Variants in NR2F1-AS1 observed in about 807,000 individuals in gnomAD.
NR2F1-AS1 encodes the protein NR2F1 regulatory antisense RNA 1, also known as NR2F1 antisense RNA 1.
At chr5:93,421,343 C>G (rs1749083376) in intron 4 of NR2F1-AS1, among the ~76,000 whole-genome samples, 6 of 150,178 alleles carry the variant, frequency 4.0e-5, no homozygotes, top group Admixed American at 4.0e-4. Flanking sequence ...AAGGCTTCTT[C>G]TGGTAAACAG....
chr5:93,410,907 T>C (rs1322011288), intron 4 of NR2F1-AS1: 1 of 152,040 alleles, frequency 6.6e-6, no homozygotes, highest in Non-Finnish European at 1.5e-5. Flanking sequence ...AAATGGATCC[T>C]ATCAGAAGCC....
intron 4 of NR2F1-AS1, among the ~76,000 whole-genome samples, chr5:93,437,023 G>A (rs1749447042): frequency 6.6e-6 from 1 of 150,514 alleles, no homozygotes; most frequent in Non-Finnish European, 1.5e-5. Context: ...TAAATTCACT[G>A]ACCATTTGTT....
At chr5:93,585,286 T>A, upstream of NR2F1-AS1, 1 of 1,604,868 alleles carries the variant, frequency 6.2e-7, no homozygotes, top group East Asian at 2.3e-5. Flanking sequence ...GAGTGCGTGG[T>A]GTGCGGGGAC....
intron 4 of NR2F1-AS1, among the ~76,000 whole-genome samples, chr5:93,547,651 T>A (rs1752120221): frequency 6.6e-6 from 1 of 152,176 alleles, no homozygotes; most frequent in Non-Finnish European, 1.5e-5. Flanking sequence ...AGTTCCAACT[T>A]TTAGCATATG....
At chr5:93,495,229 G>C (rs1051092045) in intron 4 of NR2F1-AS1, among the ~76,000 whole-genome samples, 1 of 151,870 alleles carries the variant, frequency 6.6e-6, no homozygotes, top group Non-Finnish European at 1.5e-5. Context: ...GTTCTTTTCC[G>C]TACTTTATTC....
intron 2 of NR2F1-AS1, among the ~76,000 whole-genome samples, chr5:93,562,863 A>T (rs1404522641): frequency 6.6e-6 from 1 of 152,260 alleles, no homozygotes; most frequent in African/African-American, 2.4e-5. Context: ...CTTCGAGAAC[A>T]ATAAGCACAA....
intron 4 of NR2F1-AS1, among the ~76,000 whole-genome samples, chr5:93,524,964 AC>A (rs1045192494): frequency 2.6e-5 from 4 of 152,194 alleles, no homozygotes; most frequent in African/African-American, 9.7e-5. Flanking sequence ...AGGCAAAATA[AC>A]CAGCTAGCAT....
At chr5:93,528,657 C>T (rs144191596) in intron 4 of NR2F1-AS1, among the ~76,000 whole-genome samples, 7,397 of 152,306 alleles carry the variant, frequency 0.049, 259 homozygotes, top group Middle Eastern at 0.085. Context: ...CCCAAATGCT[C>T]ATCAACGATA....
chr5:93,423,516 A>C (rs918409253), intron 4 of NR2F1-AS1, among the ~76,000 whole-genome samples: 2 of 152,212 alleles, frequency 1.3e-5, no homozygotes. Flanking sequence ...TCCTGAATAC[A>C]GACTCAAACA....
At chr5:93,485,812 A>T (rs559299262) in intron 4 of NR2F1-AS1, among the ~76,000 whole-genome samples, 1,967 of 150,158 alleles carry the variant, frequency 0.013, 41 homozygotes, top group African/African-American at 0.046. Flanking sequence ...ACACATGCAC[A>T]CGTATGTTTA....
chr5:93,512,230 G>A (rs77659142), intron 4 of NR2F1-AS1, among the ~76,000 whole-genome samples: 16 of 152,144 alleles, frequency 1.1e-4, no homozygotes, highest in Non-Finnish European at 1.5e-4. Flanking sequence ...GTAGGACTAG[G>A]CTAATGTGTA....
At chr5:93,413,063 G>GGTGTGTGTGT (rs71613591) in intron 4 of NR2F1-AS1, among the ~76,000 whole-genome samples, 17 of 139,278 alleles carry the variant, frequency 1.2e-4, no homozygotes, top group South Asian at 4.9e-4. Context: ...ATAGCACTAT[G>GGTGTGTGTGT]GTGTGTGTGT....
At chr5:93,504,422 A>C (rs1751144582) in intron 4 of NR2F1-AS1, among the ~76,000 whole-genome samples, 1 of 152,206 alleles carries the variant, frequency 6.6e-6, no homozygotes, top group African/African-American at 2.4e-5. Context: ...GTATCACCAA[A>C]TCTTAAAGAA....
In NR2F1-AS1 at chr5:93,417,023, A is replaced by C. The variant is rs1748982166; in HGVS notation, n.639-21481T>G. Among the ~76,000 whole-genome samples the C allele has an allele frequency of 2.0e-5, 3 of 152,310 alleles. No homozygotes were observed. The South Asian group carries it at 6.2e-4, about 32-fold the overall frequency. ...TATCTCCATTTTACAGATGGGGGAA[A>C]ATACTCAGTGAAGCTAAGGTCACAT... On this transcript the variant is annotated intron_variant and non_coding_transcript_variant, in intron 4 of 5. Transcript: ENST00000660523.
chr5:93,441,977 G>C (rs1027320701), intron 4 of NR2F1-AS1, among the ~76,000 whole-genome samples: 7 of 152,170 alleles, frequency 4.6e-5, no homozygotes, highest in African/African-American at 1.7e-4. Context: ...GAGCTGAGTA[G>C]GAGAAAGAGT....
intron 4 of NR2F1-AS1, among the ~76,000 whole-genome samples, chr5:93,425,083 C>T (rs1359664571): frequency 1.3e-5 from 2 of 152,176 alleles, no homozygotes; most frequent in Non-Finnish European, 1.5e-5. Flanking sequence ...AATTTACTAG[C>T]TAAAACAACA....
chr5:93,570,731 C>T (rs1411953700), intron 1 of NR2F1-AS1: 5 of 152,242 alleles, frequency 3.3e-5, no homozygotes, highest in South Asian at 2.1e-4. Flanking sequence ...CTTCCGCCGA[C>T]GTCTCAGTGC....
chr5:93,516,107 T>C (rs1751396273), intron 4 of NR2F1-AS1, among the ~76,000 whole-genome samples: 1 of 151,902 alleles, frequency 6.6e-6, no homozygotes, highest in South Asian at 2.1e-4. Flanking sequence ...AACTACTTCT[T>C]GTTATGCCTA....
intron 4 of NR2F1-AS1, among the ~76,000 whole-genome samples, chr5:93,509,957 A>G (rs1580288636): frequency 6.6e-6 from 1 of 152,010 alleles, no homozygotes; most frequent in Non-Finnish European, 1.5e-5. Context: ...AAGAAACTAG[A>G]GCAAAAAAAA....
Sources: allele counts gnomAD v4.1 joint callset (sites outside exome capture counted in the v4.1 genomes callset), GRCh38; gene constraint gnomAD v4.1.1; transcripts MANE v1.5; gene names NCBI Gene and HGNC (gene_info 2026-07-23, HGNC 2026-07-21).